The following MAGI1 variants were observed in gnomAD, a reference collection of about 807,000 sequenced individuals.
MAGI1 encodes the protein membrane-associated guanylate kinase, WW and PDZ domain-containing protein 1.
MAGI1 carries 58 observed loss-of-function variants against 139.9 expected under a neutral mutation model. The observed-to-expected ratio is 0.41, with a 90% confidence interval of 0.34 to 0.52. MAGI1 has a LOEUF of 0.52. MAGI1 is among the 20% of genes least tolerant of loss of function. MAGI1 has a pLI of 0.12. For missense variants in MAGI1, 1,874 were observed against 1,901.6 expected, an observed-to-expected ratio of 0.99 and a Z score of 0.27; for synonymous variants, 812 against 737.9, an observed-to-expected ratio of 1.10 and a Z score of -1.63.
chr3:65,688,268 T>G (rs1458537907), intron 1 of MAGI1: 1 of 848,728 alleles, frequency 1.2e-6, no homozygotes, highest in East Asian at 3.4e-5. Context: ...TCCTCTCACA[T>G]GGTGGCTTTA....
chr3:66,032,416 T>G (rs2107601791), intron 1 of MAGI1, among the ~76,000 whole-genome samples: 1 of 138,366 alleles, frequency 7.2e-6, no homozygotes, highest in East Asian at 2.3e-4. Context: ...GAGACAGGGT[T>G]TCACCATCTT....
intron 1 of MAGI1, among the ~76,000 whole-genome samples, chr3:65,725,990 C>T (rs72900249): frequency 0.032 from 4,877 of 152,230 alleles, 227 homozygotes; most frequent in African/African-American, 0.1. Flanking sequence ...AGTCTAGTTG[C>T]CTCTCAAGTA....
intron 1 of MAGI1, among the ~76,000 whole-genome samples, chr3:65,968,654 T>A (rs2064875855): frequency 6.6e-6 from 1 of 151,828 alleles, no homozygotes; most frequent in Non-Finnish European, 1.5e-5. Flanking sequence ...GAAACAAGTA[T>A]ACTTGTATAC....
chr3:65,628,425 T>C (rs982485189), intron 1 of MAGI1, among the ~76,000 whole-genome samples: 10 of 152,088 alleles, frequency 6.6e-5, no homozygotes, highest in African/African-American at 2.2e-4. Context: ...GGTGTAAGTT[T>C]CCAAGTGTCA....
chr3:66,015,228 A>G, intron 1 of MAGI1, among the ~76,000 whole-genome samples: 1 of 152,076 alleles, frequency 6.6e-6, no homozygotes, highest in East Asian at 1.9e-4. Context: ...ATACAAAGAC[A>G]TAATACACAC....
intron 3 of MAGI1, among the ~76,000 whole-genome samples, chr3:65,493,044 C>G (rs572184510): frequency 2.0e-5 from 3 of 147,028 alleles, no homozygotes; most frequent in Non-Finnish European, 4.4e-5. Context: ...CGCCACTGCA[C>G]TCCAGCCTGG....
chr3:65,718,736 TG>T (rs2032595883), intron 1 of MAGI1: 1 of 151,948 alleles, frequency 6.6e-6, no homozygotes, highest in South Asian at 2.1e-4. Context: ...AAAACGGAGA[TG>T]AAAAAAAATC....
chr3:65,799,761 T>C (rs1029653652), intron 1 of MAGI1, among the ~76,000 whole-genome samples: 1 of 152,202 alleles, frequency 6.6e-6, no homozygotes, highest in Non-Finnish European at 1.5e-5. Flanking sequence ...AAACTCATAT[T>C]TATGTGTTTT....
chr3:65,817,073 C>T (rs984772399), intron 1 of MAGI1, among the ~76,000 whole-genome samples: 1 of 152,154 alleles, frequency 6.6e-6, no homozygotes, highest in Non-Finnish European at 1.5e-5. Context: ...ATATGTCTCA[C>T]TTTTATTTCA....
chr3:65,691,007 G>GA (rs1457941578), intron 1 of MAGI1, among the ~76,000 whole-genome samples: 4 of 152,066 alleles, frequency 2.6e-5, no homozygotes, highest in Middle Eastern at 6.8e-3. Flanking sequence ...GGTGCCTTAA[G>GA]AAAAAAGAGG....
At chr3:65,979,944 C>G (rs1034272578) in intron 1 of MAGI1, among the ~76,000 whole-genome samples, 2 of 152,150 alleles carry the variant, frequency 1.3e-5, no homozygotes, top group African/African-American at 4.8e-5. Context: ...TAAAGAGGAA[C>G]TGGCCTCTAG....
At chr3:66,005,215 T>C (rs1290460609) in intron 1 of MAGI1, among the ~76,000 whole-genome samples, 2 of 152,136 alleles carry the variant, frequency 1.3e-5, no homozygotes, top group East Asian at 3.9e-4. Context: ...TACAGATCTT[T>C]GAATGTGTTG....
chr3:65,725,167 G>A (rs959824188), intron 1 of MAGI1, among the ~76,000 whole-genome samples: 1 of 152,122 alleles, frequency 6.6e-6, no homozygotes, highest in African/African-American at 2.4e-5. Flanking sequence ...ATCCCTTTCA[G>A]TTATAATTAA....
intron 9 of MAGI1, among the ~76,000 whole-genome samples, chr3:65,437,470 C>T (rs549948795): frequency 6.7e-6 from 1 of 149,120 alleles, no homozygotes; most frequent in Non-Finnish European, 1.5e-5. Flanking sequence ...TGAATAAGAA[C>T]TCCAGTTCTC....
At chr3:65,902,747 C>A (rs2061285015) in intron 1 of MAGI1, 1 of 152,704 alleles carries the variant, frequency 6.5e-6, no homozygotes, top group Non-Finnish European at 1.5e-5. Context: ...GGGAGCAGCA[C>A]TAGGGCAGGA....
At chr3:65,902,452 G>C (rs1004390300) in intron 1 of MAGI1, 12 of 152,452 alleles carry the variant, frequency 7.9e-5, no homozygotes, top group African/African-American at 2.9e-4. Context: ...AACTTGAGAA[G>C]GCAGCCACAG....
At chr3:65,530,812 T>C (rs1488944844) in intron 2 of MAGI1, among the ~76,000 whole-genome samples, 6 of 60,742 alleles carry the variant, frequency 9.9e-5, no homozygotes, top group African/African-American at 4.5e-4. Flanking sequence ...TATACACACA[T>C]ATATATACAC....
At chr3:65,939,874 T>C (rs2106824697) in intron 1 of MAGI1, among the ~76,000 whole-genome samples, 1 of 152,300 alleles carries the variant, frequency 6.6e-6, no homozygotes, top group East Asian at 1.9e-4. Context: ...TGCTTGTTCA[T>C]AATATTACTA....
At chr3:65,572,675 A>G (rs1428441839) in intron 2 of MAGI1, among the ~76,000 whole-genome samples, 1 of 152,096 alleles carries the variant, frequency 6.6e-6, no homozygotes, top group Non-Finnish European at 1.5e-5. Flanking sequence ...AGAAATTACC[A>G]TTTATGATAT....
Sources: allele counts gnomAD v4.1 joint callset (sites outside exome capture counted in the v4.1 genomes callset), GRCh38; gene constraint gnomAD v4.1.1; transcripts MANE v1.5; gene names NCBI Gene and HGNC (gene_info 2026-07-23, HGNC 2026-07-21).